The following POLR1C variants were observed in gnomAD, a reference collection of about 807,000 sequenced individuals.
POLR1C encodes RNA polymerase I and III subunit C.
A neutral mutation model predicts 38.3 loss-of-function variants in POLR1C; 42 were observed. The ratio of observed to expected loss-of-function variants is 1.10; its 90% confidence interval spans 0.86 to 1.42. The LOEUF (loss-of-function observed/expected upper bound fraction) is 1.42, where lower values mean the gene tolerates loss of function less well. Among genes scored for constraint, POLR1C ranks in the 40% most tolerant of loss-of-function variants. The pLI is 0.00. For synonymous variants in POLR1C, 163 were observed against 163.9 expected, an observed-to-expected ratio of 0.99 and a Z score of 0.04; for missense variants, 507 against 450.5, an observed-to-expected ratio of 1.13 and a Z score of -1.14.
At chr6:43,549,368 A>G in intron 9 of POLR1C, 1 of 974,524 alleles carries the variant, frequency 1.0e-6, no homozygotes, top group South Asian at 1.8e-5. Context: ...CCGGCCAAGG[A>G]TGCTTATATG....
intron 9 of POLR1C, among the ~76,000 whole-genome samples, chr6:43,545,460 A>G (rs1794917437): frequency 6.6e-6 from 1 of 151,970 alleles, no homozygotes; most frequent in Admixed American, 6.5e-5. Context: ...GAGTCCCAGC[A>G]CTTTGGGAGG....
chr6:43,539,384 A>G, intron 9 of POLR1C: 2 of 1,578,994 alleles, frequency 1.3e-6, no homozygotes, highest in Non-Finnish European at 1.7e-6. Context: ...CATAATCTTC[A>G]AAACCTCATC....
downstream of POLR1C, chr6:43,525,719 G>A (rs576623023): frequency 2.8e-6 from 3 of 1,064,626 alleles, no homozygotes; most frequent in African/African-American, 3.2e-5. Flanking sequence ...TTGGAACCAG[G>A]AACTTATGTA....
chr6:43,525,509 C>T (rs1190004255), downstream of POLR1C: 8 of 491,342 alleles, frequency 1.6e-5, no homozygotes, highest in Non-Finnish European at 2.5e-5. Flanking sequence ...TTGTGTATTG[C>T]CAGTCAAAAA....
At chr6:43,530,068 A>AAC (rs1375225374), downstream of POLR1C, among the ~76,000 whole-genome samples, 4 of 152,168 alleles carry the variant, frequency 2.6e-5, no homozygotes, top group African/African-American at 9.7e-5. Context: ...CAGCCTGGCC[A>AAC]ACATGGCGAA....
rs191974643 is a variant in POLR1C at position 43,545,889 on chromosome 6, C to T, written c.*5-5079C>T. On this transcript the variant is annotated intron_variant, in intron 9 of 10. Coordinates refer to the POLR1C transcript ENST00000607635. The stretch of plus-strand genomic sequence containing the variant: ...GCCTACTTCCACTTGAATATATTAA[C>T]TCATGTGATCTAAAACAGTGATTCT... Among the ~76,000 whole-genome samples the T allele has an allele frequency of 3.4e-3, 516 of 152,180 alleles. 5 individuals carry two copies. The Middle Eastern group carries it at 0.048, about 14-fold the overall frequency.
downstream of POLR1C, among the ~76,000 whole-genome samples, chr6:43,531,289 T>C (rs1050737017): frequency 2.0e-5 from 3 of 152,212 alleles, no homozygotes; most frequent in Non-Finnish European, 2.9e-5. Flanking sequence ...GTGAGGCTCA[T>C]ATGACAATTA....
downstream of POLR1C, chr6:43,530,819 T>C: frequency 1.2e-6 from 2 of 1,611,634 alleles, no homozygotes; most frequent in Non-Finnish European, 1.7e-6. Context: ...CCCTAGGATA[T>C]GAAAACTGTA....
intron 10 of POLR1C, among the ~76,000 whole-genome samples, chr6:43,554,409 C>A (rs1761908709): frequency 6.6e-6 from 1 of 151,110 alleles, no homozygotes; most frequent in Non-Finnish European, 1.5e-5. Context: ...CTGTGCCCAG[C>A]CGCTTTTCTT....
intron 10 of POLR1C, chr6:43,555,754 G>GTA: frequency 6.4e-7 from 1 of 1,559,550 alleles, no homozygotes; most frequent in Non-Finnish European, 8.7e-7. Flanking sequence ...TCTGATGTGT[G>GTA]TATAGCTCAG....
intron 10 of POLR1C, among the ~76,000 whole-genome samples, chr6:43,552,180 C>A (rs1284808990): frequency 2.0e-5 from 3 of 152,198 alleles, no homozygotes; most frequent in African/African-American, 4.8e-5. Flanking sequence ...GCCTCAGCCT[C>A]CTGAGTAGCT....
At chr6:43,521,871 TAAG>T (rs1462831950), downstream of POLR1C, among the ~76,000 whole-genome samples, 6 of 152,054 alleles carry the variant, frequency 3.9e-5, no homozygotes, top group Admixed American at 2.6e-4. Context: ...ATTTACCAAT[TAAG>T]AACATCAGAT....
chr6:43,530,683 G>C, downstream of POLR1C: 1 of 1,613,188 alleles, frequency 6.2e-7, no homozygotes, highest in Non-Finnish European at 8.5e-7. Flanking sequence ...CTTTTGAAAG[G>C]ATATGAAGCA....
Position 43,519,846 on chromosome 6 carries a change from A to C in POLR1C, c.382+8A>C. The C allele has an allele frequency of 6.2e-7, 1 of 1,613,406 alleles. No homozygotes were observed. The highest frequency in any genetic ancestry group is 8.5e-7 in the Non-Finnish European group (1 of 1,179,654). ...TTGAGTATCGGAACCAAGGTGAGAA[A>C]ATGAAATTTTGGGAGAAGTGGACTA... On this transcript the variant is annotated splice_region_variant and intron_variant, in intron 4 of 8. Coordinates refer to ENST00000642195, the MANE Select transcript of POLR1C (RefSeq NM_203290.4).
At chr6:43,560,310 A>AG in intron 10 of POLR1C, 3 of 1,591,772 alleles carry the variant, frequency 1.9e-6, no homozygotes, top group Non-Finnish European at 2.6e-6. Flanking sequence ...GAAACTAAAG[A>AG]GAAAAAAAAA....
intron 9 of POLR1C, among the ~76,000 whole-genome samples, chr6:43,537,516 T>C (rs918516740): frequency 8.5e-5 from 13 of 152,176 alleles, no homozygotes; most frequent in African/African-American, 2.2e-4. Context: ...TGAAGCGCAA[T>C]AGCAGCCATA....
At position 43,538,139 on chromosome 6, in the gene POLR1C, CTTTTTTTTTTT is replaced by C. The variant is rs1160662301; in HGVS notation, c.*4+8798_*4+8808del. Among the ~76,000 whole-genome samples, 41 of 48,944 alleles carry C rather than the reference CTTTTTTTTTTT, an allele frequency of 8.4e-4. 1 individual carries two copies. The highest frequency in any genetic ancestry group is 4.9e-3 in the Admixed American group (12 of 2,458). 32.1% of individuals were successfully genotyped at this position (48,944 alleles called of 152,430 possible). On this transcript the variant is annotated intron_variant, in intron 9 of 10. Coordinates refer to the POLR1C transcript ENST00000607635. ...TATAAATTTAGAGCCTAAGAGACAT[CTTTTTTTTTTT>C]TTTTTTTTTTTTTTTTTGAAACAGA... is the stretch of plus-strand genomic sequence containing the variant.
At chr6:43,558,187 G>T (rs1582234907) in intron 10 of POLR1C, among the ~76,000 whole-genome samples, 2 of 152,044 alleles carry the variant, frequency 1.3e-5, no homozygotes, top group African/African-American at 4.8e-5. Context: ...CACTTTTTGG[G>T]GGAAAGAAAT....
intron 9 of POLR1C, among the ~76,000 whole-genome samples, chr6:43,535,670 C>T (rs1384045319): frequency 6.6e-6 from 1 of 151,654 alleles, no homozygotes; most frequent in South Asian, 2.1e-4. Context: ...CTAAATTAGC[C>T]AGACATGGTG....
Sources: gnomAD v4.1 joint callset for allele counts (sites outside exome capture counted in the v4.1 genomes callset) on GRCh38, gnomAD v4.1.1 for gene constraint, MANE v1.5 for transcripts, NCBI Gene and HGNC (gene_info 2026-07-23, HGNC 2026-07-21) for gene names.